PLXNA4: variants seen among roughly 807,000 people sequenced by gnomAD.
PLXNA4 encodes plexin A4, also known as plexin-A4.
PLXNA4 carries 44 observed loss-of-function variants against 191.8 expected under a neutral mutation model. The ratio of observed to expected loss-of-function variants is 0.23; its 90% CI spans 0.18 to 0.29. The LOEUF (loss-of-function observed/expected upper bound fraction) is 0.29, where lower values mean the gene tolerates loss of function less well. Ranked by LOEUF, PLXNA4 falls within the 10% of genes least tolerant of loss-of-function variation. The pLI, the probability that PLXNA4 is intolerant of heterozygous loss-of-function variation, is 1.00. For missense variants in PLXNA4, 1,800 were observed against 2,488.8 expected (o/e 0.72, Z 5.89); for synonymous variants, 1,082 against 1,009.5 (o/e 1.07, Z -1.36).
chr7:132,409,710 G>A (rs1160712069), intron 3 of PLXNA4, among the ~76,000 whole-genome samples: 1 of 152,198 alleles, frequency 6.6e-6, no homozygotes, highest in Non-Finnish European at 1.5e-5. Context: ...GAGAAAATAC[G>A]ACTTGTTTCT....
At chr7:132,524,576 CT>C (rs898938521) in intron 1 of PLXNA4, among the ~76,000 whole-genome samples, 6 of 151,892 alleles carry the variant, frequency 4.0e-5, no homozygotes, top group African/African-American at 1.2e-4. Context: ...AAGAGCAAGA[CT>C]TTTTTTTGTT....
At chr7:132,365,360 T>TGTGCGCGCGC in intron 3 of PLXNA4, among the ~76,000 whole-genome samples, 1,354 of 128,744 alleles carry the variant, frequency 0.011, 21 homozygotes, top group East Asian at 0.071. Flanking sequence ...TGTGTGTGTG[T>TGTGCGCGCGC]GCGTGCGCGC....
At chr7:132,447,671 G>A (rs1795960441) in intron 3 of PLXNA4, among the ~76,000 whole-genome samples, 1 of 152,114 alleles carries the variant, frequency 6.6e-6, no homozygotes, top group Non-Finnish European at 1.5e-5. Context: ...GCACATCTTA[G>A]GAAGGTGAGC....
At chr7:132,432,141 A>G (rs551193570) in intron 3 of PLXNA4, among the ~76,000 whole-genome samples, 1 of 151,582 alleles carries the variant, frequency 6.6e-6, no homozygotes, top group African/African-American at 2.4e-5. Flanking sequence ...CACCCTCCTC[A>G]CTCCAAGAAG....
At chr7:132,199,842 T>C (rs1409076105) in intron 12 of PLXNA4, among the ~76,000 whole-genome samples, 3 of 152,106 alleles carry the variant, frequency 2.0e-5, no homozygotes, top group Non-Finnish European at 4.4e-5. Context: ...CTCCTACACA[T>C]CCCCGTGAGG....
intron 3 of PLXNA4, among the ~76,000 whole-genome samples, chr7:132,456,358 C>A (rs989454911): frequency 1.3e-5 from 2 of 152,116 alleles, no homozygotes; most frequent in Non-Finnish European, 2.9e-5. Flanking sequence ...GGCAATCCAC[C>A]TGCCTCGGCC....
chr7:132,333,595 C>G (rs968786334), intron 3 of PLXNA4, among the ~76,000 whole-genome samples: 3 of 152,142 alleles, frequency 2.0e-5, no homozygotes, highest in Non-Finnish European at 4.4e-5. Context: ...TGGAGGGACA[C>G]GGCCACTGTG....
rs747317773 is a variant in PLXNA4 at position 132,133,053 on chromosome 7, T to C, written c.5585A>G (p.Glu1862Gly). The change falls in exon 31 of 32, where the codon GAG becomes GGG. Residue 1862 changes from glutamate (E) to glycine (G), a missense_variant. Glu to Gly is a moderately conservative substitution (Grantham distance 98, BLOSUM62 -2). This residue lies in a region of PLXNA4 where 83 missense variants were observed against 81.6 expected (regional missense o/e 1.02). Transcript: ENST00000321063. Reference protein sequence around the residue: ...EIFSYVGKYSEEILGPLDHDD... With the variant: ...EIFSYVGKYSGEILGPLDHDD... ...CTGGAGCAGGGCAAAGCTTACCTCC[T>C]CGCTGTATTTGCCCACATAGGAGAA... 1 of 1,613,790 alleles carries C rather than the reference T, an allele frequency of 6.2e-7. No individual in the cohort carries two copies. Among genetic ancestry groups the C allele is most frequent in the South Asian group, 1.1e-5 (1 of 90,990 alleles).
intron 1 of PLXNA4, among the ~76,000 whole-genome samples, chr7:132,533,011 G>A (rs1799684488): frequency 6.6e-6 from 1 of 152,214 alleles, no homozygotes; most frequent in African/African-American, 2.4e-5. Flanking sequence ...GGAACTGGTT[G>A]CCACCACCAC....
At chr7:132,596,502 A>G (rs1275191425) in intron 2 of PLXNA4, among the ~76,000 whole-genome samples, 2 of 152,262 alleles carry the variant, frequency 1.3e-5, no homozygotes, top group Admixed American at 6.5e-5. Flanking sequence ...ACAGCTGGAA[A>G]CACACATACA....
rs1424496077 is a variant in PLXNA4, at chr7:132,243,617, C to T, written c.1504-2451G>A. Among the ~76,000 whole-genome samples, 5 of 152,194 alleles carry T rather than the reference C, an allele frequency of 3.3e-5. No homozygotes were observed. In the East Asian group the frequency reaches 5.8e-4, roughly 18 times the overall value. On this transcript the variant is annotated intron_variant, in intron 4 of 31. Coordinates refer to ENST00000321063, the MANE Select transcript of PLXNA4 (RefSeq NM_020911.2). ...GTTGGGTTGGAAAGAATGCAAGAGCCCTCAGAGCTAGGTTCAAATTCTGGC... is the reference window on the plus strand; with the variant it reads ...GTTGGGTTGGAAAGAATGCAAGAGCTCTCAGAGCTAGGTTCAAATTCTGGC...
intron 13 of PLXNA4, among the ~76,000 whole-genome samples, chr7:132,196,854 T>C (rs901738428): frequency 6.6e-6 from 1 of 152,252 alleles, no homozygotes; most frequent in Admixed American, 6.5e-5. Flanking sequence ...ATTTTTCGTA[T>C]GACTTTCGGT....
At chr7:132,472,204 CT>C (rs1202130683) in intron 3 of PLXNA4, among the ~76,000 whole-genome samples, 1 of 152,134 alleles carries the variant, frequency 6.6e-6, no homozygotes, top group Non-Finnish European at 1.5e-5. Context: ...TGCCCTGATA[CT>C]TTTTTCCCCA....
At chr7:132,381,240 G>T (rs1804880413) in intron 3 of PLXNA4, among the ~76,000 whole-genome samples, 1 of 152,164 alleles carries the variant, frequency 6.6e-6, no homozygotes, top group African/African-American at 2.4e-5. Flanking sequence ...CTCACAGCTG[G>T]CGTGAGGCAG....
chr7:132,486,832 C>A (rs1433851378), intron 3 of PLXNA4, among the ~76,000 whole-genome samples: 1 of 152,172 alleles, frequency 6.6e-6, no homozygotes, highest in African/African-American at 2.4e-5. Flanking sequence ...CCTGCCTGAC[C>A]GACTGCTGGA....
At chr7:132,249,100 G>T (rs544107636) in intron 4 of PLXNA4, among the ~76,000 whole-genome samples, 20 of 152,374 alleles carry the variant, frequency 1.3e-4, no homozygotes, top group African/African-American at 4.6e-4. Context: ...CCGCCCCAGG[G>T]CATGAGGCTT....
intron 13 of PLXNA4, among the ~76,000 whole-genome samples, chr7:132,197,256 C>T (rs1200595737): frequency 6.6e-5 from 10 of 152,094 alleles, no homozygotes; most frequent in Non-Finnish European, 1.5e-4. Context: ...TAAGGATCTG[C>T]TATTGTACTT....
intron 9 of PLXNA4, among the ~76,000 whole-genome samples, chr7:132,215,545 T>C (rs1365189170): frequency 6.6e-6 from 1 of 152,240 alleles, no homozygotes; most frequent in Non-Finnish European, 1.5e-5. Context: ...TTTTCCACTA[T>C]ACCTGAGTTT....
intron 4 of PLXNA4, among the ~76,000 whole-genome samples, chr7:132,283,433 G>T (rs1232407092): frequency 2.3e-4 from 35 of 152,196 alleles, no homozygotes; most frequent in Non-Finnish European, 5.9e-5. Context: ...AGAGAGATAC[G>T]ATCCTGGGCA....
Sources: allele counts gnomAD v4.1 joint callset (sites outside exome capture counted in the v4.1 genomes callset), GRCh38; gene constraint gnomAD v4.1.1; regional missense constraint gnomAD v4.1.1; transcripts MANE v1.5; gene names NCBI Gene and HGNC (gene_info 2026-07-23, HGNC 2026-07-21).